NALF1: variants seen among roughly 807,000 people sequenced by gnomAD.
The protein encoded by NALF1 is NALCN channel auxiliary factor 1, also known as family with sequence similarity 155 member A.
NALF1 carries 3 observed loss-of-function variants against 48.4 expected under a neutral mutation model. The observed-to-expected ratio is 0.06, with a 90% CI of 0.03 to 0.16. The LOEUF (loss-of-function observed/expected upper bound fraction) is 0.16, where lower values mean the gene tolerates loss of function less well. Among genes scored for constraint, NALF1 ranks in the 10% least tolerant of loss-of-function variants. The pLI is 1.00. For missense variants in NALF1, 526 were observed against 571.5 expected, an observed-to-expected ratio of 0.92 and a Z score of 0.81; for synonymous variants, 262 against 245.7, an observed-to-expected ratio of 1.07 and a Z score of -0.62.
chr13:107,586,635 A>ATTTTTTTTTTTTTTTTTT lies in NALF1; in HGVS notation c.915+279046_915+279047insAAAAAAAAAAAAAAAAAA, dbSNP rs61429641. Among the ~76,000 whole-genome samples, 797 of 93,016 alleles carry ATTTTTTTTTTTTTTTTTT rather than the reference A, an allele frequency of 8.6e-3. 101 individuals carry two copies. The highest frequency in any genetic ancestry group is 0.019 in the African/African-American group (417 of 21,928). 61.0% of individuals were successfully genotyped at this position (93,016 alleles called of 152,430 possible). ...CTACATTTAAAGCTCCCCTATGGAG[A>ATTTTTTTTTTTTTTTTTT]TTTTTTTTTTTTTTGCTAGGAATGA... On this transcript the variant is annotated intron_variant, in intron 1 of 2. Transcript: ENST00000375915.
At chr13:107,519,197 C>T (rs181680906) in intron 1 of NALF1, among the ~76,000 whole-genome samples, 5 of 152,002 alleles carry the variant, frequency 3.3e-5, no homozygotes, top group Admixed American at 2.6e-4. Context: ...GGTCTCCAAC[C>T]AGAACCACAA....
intron 1 of NALF1, among the ~76,000 whole-genome samples, chr13:107,316,839 G>T (rs1882160061): frequency 1.3e-5 from 2 of 152,032 alleles, no homozygotes; most frequent in South Asian, 4.2e-4. Flanking sequence ...CACTTCTTCT[G>T]CTTATTGCTG....
intron 1 of NALF1, among the ~76,000 whole-genome samples, chr13:107,698,095 TA>T (rs1171454231): frequency 1.3e-5 from 2 of 152,176 alleles, no homozygotes; most frequent in Non-Finnish European, 1.5e-5. Context: ...TGACTATTGG[TA>T]AAGACCATCC....
intron 1 of NALF1, among the ~76,000 whole-genome samples, chr13:107,674,956 T>C (rs1196873589): frequency 6.6e-6 from 1 of 152,068 alleles, no homozygotes; most frequent in East Asian, 1.9e-4. Flanking sequence ...TTAGTCTCAA[T>C]GAGGAGGCTA....
At chr13:107,458,984 C>A (rs763911141) in intron 1 of NALF1, among the ~76,000 whole-genome samples, 2 of 151,546 alleles carry the variant, frequency 1.3e-5, no homozygotes, top group Non-Finnish European at 2.9e-5. Context: ...TTATAATTGA[C>A]GACCTTGAGT....
At chr13:107,373,344 C>T (rs563015435) in intron 1 of NALF1, among the ~76,000 whole-genome samples, 2 of 152,250 alleles carry the variant, frequency 1.3e-5, no homozygotes, top group South Asian at 4.1e-4. Flanking sequence ...ATGTTGAGAC[C>T]TGGAGAAGGA....
chr13:107,453,100 C>T (rs751657537), intron 1 of NALF1, among the ~76,000 whole-genome samples: 88 of 152,306 alleles, frequency 5.8e-4, no homozygotes, highest in African/African-American at 1.2e-3. Flanking sequence ...TGAGTGTCTG[C>T]GGCTTTTCCA....
chr13:107,545,785 A>G (rs1020050405), intron 1 of NALF1, among the ~76,000 whole-genome samples: 2 of 152,084 alleles, frequency 1.3e-5, no homozygotes, highest in Admixed American at 6.6e-5. Context: ...TATAGACTGA[A>G]AAAGAAAGCC....
intron 1 of NALF1, among the ~76,000 whole-genome samples, chr13:107,800,586 AAT>A (rs1878577603): frequency 6.8e-6 from 1 of 147,034 alleles, no homozygotes; most frequent in Non-Finnish European, 1.5e-5. Context: ...TATAATATAC[AAT>A]ATATAATAAA....
intron 1 of NALF1, among the ~76,000 whole-genome samples, chr13:107,856,497 G>A (rs1441409800): frequency 6.6e-6 from 1 of 151,798 alleles, no homozygotes; most frequent in Non-Finnish European, 1.5e-5. Context: ...TTCACTTCCT[G>A]TCTAACTCTA....
At chr13:107,556,980 T>C (rs114172648) in intron 1 of NALF1, among the ~76,000 whole-genome samples, 4 of 152,278 alleles carry the variant, frequency 2.6e-5, no homozygotes, top group East Asian at 1.9e-4. Flanking sequence ...ACACAAATTG[T>C]ATAATGTGAT....
intron 1 of NALF1, among the ~76,000 whole-genome samples, chr13:107,281,609 G>A (rs1881389339): frequency 6.6e-6 from 1 of 152,176 alleles, no homozygotes. Context: ...AGTATATGAA[G>A]GCGGTGCATC....
chr13:107,679,416 G>A (rs1035437740), intron 1 of NALF1, among the ~76,000 whole-genome samples: 4 of 152,182 alleles, frequency 2.6e-5, no homozygotes, highest in African/African-American at 7.2e-5. Context: ...TGTCAAAGAA[G>A]CGAGTGTTAG....
At chr13:107,188,725 C>T (rs1027222425) in intron 2 of NALF1, among the ~76,000 whole-genome samples, 1 of 152,118 alleles carries the variant, frequency 6.6e-6, no homozygotes, top group Non-Finnish European at 1.5e-5. Flanking sequence ...ATTCTCAATA[C>T]CCAGCTGTAT....
intron 1 of NALF1, among the ~76,000 whole-genome samples, chr13:107,341,116 T>C (rs1882672735): frequency 6.6e-6 from 1 of 152,008 alleles, no homozygotes; most frequent in Admixed American, 6.6e-5. Context: ...CAGTGATTTC[T>C]AACAGATACT....
intron 1 of NALF1, among the ~76,000 whole-genome samples, chr13:107,847,777 G>A (rs900192322): frequency 6.6e-6 from 1 of 152,168 alleles, no homozygotes; most frequent in African/African-American, 2.4e-5. Context: ...CTGTAGCTTT[G>A]CTGAGGACAC....
chr13:107,852,342 T>C (rs1205361288), intron 1 of NALF1, among the ~76,000 whole-genome samples: 4 of 152,174 alleles, frequency 2.6e-5, no homozygotes, highest in African/African-American at 4.8e-5. Flanking sequence ...TAAATTACCA[T>C]TGCCATATAA....
chr13:107,737,477 A>C (rs1358247397), intron 1 of NALF1, among the ~76,000 whole-genome samples: 1 of 152,254 alleles, frequency 6.6e-6, no homozygotes, highest in Non-Finnish European at 1.5e-5. Context: ...AAGATCACTC[A>C]TTAGTAGAAT....
chr13:107,836,804 G>A lies in NALF1; in HGVS notation c.915+28878C>T, dbSNP rs1879903132. Among the ~76,000 whole-genome samples the A allele has an allele frequency of 3.3e-5, 5 of 152,098 alleles. No homozygotes were observed. In the South Asian group the frequency reaches 6.2e-4, roughly 19 times the overall value. ...TTAAGTGAAAATCTTTGGAAATGGC[G>A]AAGCTCTTTATGAATGTCACTAACA... On this transcript the variant is annotated intron_variant, in intron 1 of 2. Coordinates refer to ENST00000375915, the MANE Select transcript of NALF1 (RefSeq NM_001080396.3).
Sources: gnomAD v4.1 joint callset for allele counts (sites outside exome capture counted in the v4.1 genomes callset) on GRCh38, gnomAD v4.1.1 for gene constraint, MANE v1.5 for transcripts, NCBI Gene and HGNC (gene_info 2026-07-23, HGNC 2026-07-21) for gene names.